Variants in FCHO1 observed in about 807,000 individuals in gnomAD.
FCHO1 encodes the protein FCH and mu domain containing endocytic adaptor 1, also known as F-BAR domain only protein 1.
FCHO1 carries 45 observed loss-of-function variants against 114.4 expected under a neutral mutation model. The observed-to-expected ratio is 0.39, with a 90% CI of 0.31 to 0.50. FCHO1 has a LOEUF of 0.50. FCHO1 is among the 20% of genes least tolerant of loss of function. FCHO1 has a pLI of 0.77. For missense variants in FCHO1, 1,042 were observed against 1,209.6 expected (o/e 0.86, Z 2.06); for synonymous variants, 480 against 488.9 (o/e 0.98, Z 0.24).
chr19:17,776,143 C>T lies in FCHO1; in HGVS notation c.1164C>T (p.Ile388=), dbSNP rs2092602644. 2 of 1,613,650 alleles carry T rather than the reference C, an allele frequency of 1.2e-6. No homozygotes were observed. Among genetic ancestry groups the T allele is most frequent in the Admixed American group, 3.3e-5 (2 of 60,002 alleles). Residue 388 remains isoleucine (I), a synonymous_variant, in exon 16 of 29, where the codon ATC becomes ATT. Coordinates refer to ENST00000596536, the MANE Select transcript of FCHO1 (RefSeq NM_015122.3). The surrounding 1 kb of genome is among the most constrained non-coding windows in gnomAD (Gnocchi z 4.4). ...TCAGGGCCACCGCGGGCAGCCTCAT[C>T]CTTCCTCCTGGCCCAGGGGTGAGGC... ...AQLRATAGSL[I]LPPGPGGTMK... is the part of the protein sequence containing the mutation.
Position 17,778,154 on chromosome 19 carries a change from A to C in FCHO1, c.1277A>C (p.Gln426Pro). 1.2e-6 allele frequency: 2 copies of C among 1,613,834 alleles called. No individual in the cohort carries two copies. Among genetic ancestry groups the C allele is most frequent in the Non-Finnish European group, 1.7e-6 (2 of 1,179,888 alleles). ...PRTSSCAERL[Q>P]SEEQVSKNLF... ...CTCTCTAGCTGTGCAGAGAGATTGC[A>C]GTCAGAGGAGCAGGTGTCCAAGAAC... The change falls in exon 19 of 29, where the codon CAG becomes CCG. Residue 426 changes from glutamine to proline, a missense_variant. Gln to Pro is a moderately conservative substitution (Grantham distance 76). Transcript: ENST00000596536.
At position 17,766,865 on chromosome 19, in the gene FCHO1, C is replaced by T. The variant is rs572940628; in HGVS notation, c.336+55C>T. On this transcript the variant is annotated intron_variant, in intron 7 of 28. Coordinates refer to ENST00000596536, the MANE Select transcript of FCHO1 (RefSeq NM_015122.3). ...GGGTGGGTGTGGAACACCGGCAGCTCACAGGACCCCAGATCTTCTGGGGCT... is the reference window on the plus strand; with the variant it reads ...GGGTGGGTGTGGAACACCGGCAGCTTACAGGACCCCAGATCTTCTGGGGCT... 13 of 1,575,258 alleles carry T rather than the reference C, an allele frequency of 8.3e-6. No individual in the cohort carries two copies. The East Asian group carries it at 2.5e-4, about 30-fold the overall frequency.
intron 4 of FCHO1, among the ~76,000 whole-genome samples, chr19:17,758,101 G>A (rs961927357): frequency 2.0e-5 from 3 of 151,958 alleles, no homozygotes; most frequent in Non-Finnish European, 2.9e-5. Context: ...TGTAGTCCCA[G>A]CTATTGAGGA....
At chr19:17,760,157 T>C (rs890246295) in intron 4 of FCHO1, among the ~76,000 whole-genome samples, 4 of 152,032 alleles carry the variant, frequency 2.6e-5, no homozygotes, top group Non-Finnish European at 5.9e-5. Flanking sequence ...GTTCAAGCGA[T>C]TCTCCTGCCT....
In FCHO1 at chr19:17,784,161, A is replaced by G. The variant is rs372796615; in HGVS notation, c.2152A>G (p.Thr718Ala). ...CTTCTGGCTCAACATGGCAGCTCTG[A>G]CCGAAGCCCTGCAGCGCCAGGCAGA... ...KDFWLNMAAL[T>A]EALQRQAEQN... Residue 718 changes from threonine to alanine, a missense_variant, in exon 25 of 29, where the codon ACC (threonine) becomes GCC (alanine). Thr to Ala is a moderately conservative substitution (Grantham distance 58). Around this residue, in one of 3 missense-constraint regions of FCHO1, gnomAD observed 455 missense variants for 455.4 expected, o/e 1.00. Coordinates refer to ENST00000596536, the MANE Select transcript of FCHO1 (RefSeq NM_015122.3). This position sits in a 1 kb window ranked among gnomAD's most constrained non-coding sequence, Gnocchi z 5.3. 4.7e-5 allele frequency: 76 copies of G among 1,613,920 alleles called. No homozygotes were observed. Among genetic ancestry groups the G allele is most frequent in the Admixed American group, 8.3e-5 (5 of 60,000 alleles).
rs779864048 is a variant in FCHO1, at chr19:17,787,813, C to T, written c.2614C>T (p.Arg872Cys). 59 of 1,613,308 alleles carry T rather than the reference C, an allele frequency of 3.7e-5. 1 individual carries two copies. In the Middle Eastern group the frequency reaches 1.0e-3, roughly 27 times the overall value. The change falls in exon 28 of 29, where the codon CGC becomes TGC. Residue 872 changes from arginine (R) to cysteine (C), a missense_variant. Arg to Cys is a radical substitution (Grantham distance 180). This residue lies in a region of FCHO1 where 137 missense variants were observed against 190.0 expected (regional missense o/e 0.72). Coordinates refer to ENST00000596536, the MANE Select transcript of FCHO1 (RefSeq NM_015122.3). ...VDLELVGSGY[R>C]MSLVKRRFAT... ...CTTGGAACTGGTGGGCAGCGGTTAC[C>T]GCATGTCGCTGGTGAAGAGGAGGTT...
chr19:17,783,517 C>G (rs961110908), intron 24 of FCHO1, among the ~76,000 whole-genome samples: 1 of 151,924 alleles, frequency 6.6e-6, no homozygotes, highest in African/African-American at 2.4e-5. Flanking sequence ...ATCCGCCCGC[C>G]TTGGCCTCCC....
Position 17,755,156 on chromosome 19 carries a change from A to C in FCHO1, c.-9A>C. The C allele has an allele frequency of 6.2e-7, 1 of 1,612,066 alleles. No homozygotes were observed. Among genetic ancestry groups the C allele is most frequent in the Non-Finnish European group, 8.5e-7 (1 of 1,179,348 alleles). The stretch of plus-strand genomic sequence containing the variant: ...GGGGCCTGCAGGGGTCTCCACAGAG[A>C]CCATCAGGATGTCGTATTTTGGGGA... On this transcript the variant is annotated 5_prime_UTR_variant, in exon 4 of 29. Coordinates refer to ENST00000596536, the MANE Select transcript of FCHO1 (RefSeq NM_015122.3).
At chr19:17,750,361 C>T (rs1599498568), upstream of FCHO1, among the ~76,000 whole-genome samples, 1 of 152,010 alleles carries the variant, frequency 6.6e-6, no homozygotes, top group East Asian at 1.9e-4. Flanking sequence ...CTTTTAAAAT[C>T]CAAAGGGAAA....
intron 4 of FCHO1, among the ~76,000 whole-genome samples, chr19:17,756,828 G>C (rs924801627): frequency 3.3e-5 from 5 of 152,192 alleles, no homozygotes; most frequent in African/African-American, 1.2e-4. Context: ...GCCGAAGCAT[G>C]AAGTGTACTA....
intron 9 of FCHO1, 71 bp downstream of exon 9, chr19:17,770,967 T>C: frequency 7.3e-7 from 1 of 1,376,774 alleles, no homozygotes; most frequent in Non-Finnish European, 1.0e-6. Flanking sequence ...ACTGCAGAAA[T>C]CCCAGGCAGG....
At chr19:17,748,478 C>T (rs1199241372), upstream of FCHO1, among the ~76,000 whole-genome samples, 4 of 147,798 alleles carry the variant, frequency 2.7e-5, no homozygotes, top group African/African-American at 1.0e-4. Context: ...TTATCCAGGC[C>T]AGGCCTTGAA....
At chr19:17,772,132 T>G (rs2091758446) in intron 9 of FCHO1, among the ~76,000 whole-genome samples, 2 of 151,948 alleles carry the variant, frequency 1.3e-5, no homozygotes, top group Non-Finnish European at 2.9e-5. Flanking sequence ...TTCTTAAGTC[T>G]GTTTTTCTCT....
At position 17,768,018 on chromosome 19, in the gene FCHO1, T is replaced by G. The variant is rs1041476787; in HGVS notation, c.336+1208T>G. ...TTTACAGAGTTCCAAAATCTGCATG[T>G]TTTTATGTCTTGTTTAAAAAGGGGG... On this transcript the variant is annotated intron_variant, in intron 7 of 28. Transcript: ENST00000596536. Among the ~76,000 whole-genome samples the G allele has an allele frequency of 2.6e-5, 4 of 152,236 alleles. No individual in the cohort carries two copies. The South Asian group carries it at 8.3e-4, about 31-fold the overall frequency.
chr19:17,753,566 C>T (rs922902694), intron 1 of FCHO1: 6 of 152,236 alleles, frequency 3.9e-5, no homozygotes, highest in African/African-American at 1.4e-4. Context: ...ACTCAGGGAC[C>T]CTGACATTGT....
Position 17,784,292 on chromosome 19 carries a change from G to A in FCHO1, c.2226+57G>A, listed in dbSNP as rs944670278. The A allele has an allele frequency of 3.6e-5, 55 of 1,542,510 alleles. No individual in the cohort carries two copies. Among genetic ancestry groups the A allele is most frequent in the East Asian group, 4.9e-5 (2 of 41,012 alleles). On this transcript the variant is annotated intron_variant, in intron 25 of 28. Transcript: ENST00000596536. This position sits in a 1 kb window ranked among gnomAD's most constrained non-coding sequence, Gnocchi z 5.3. ...GGTGGAGTGGGGGACACGGTGAGCC[G>A]GCAGCAGACATGGAGGCGCCTGCGT...
At chr19:17,769,813 G>GA (rs2090932278) in intron 7 of FCHO1, among the ~76,000 whole-genome samples, 1 of 151,770 alleles carries the variant, frequency 6.6e-6, no homozygotes, top group African/African-American at 2.4e-5. Flanking sequence ...ACAACTTTCT[G>GA]AAATATGAAC....
At position 17,775,116 on chromosome 19, in the gene FCHO1, G is replaced by T. The variant is rs1440223163; in HGVS notation, c.945+36G>T. On this transcript the variant is annotated intron_variant, in intron 14 of 28. Coordinates refer to ENST00000596536, the MANE Select transcript of FCHO1 (RefSeq NM_015122.3). The surrounding 1 kb of genome is among the most constrained non-coding windows in gnomAD (Gnocchi z 5.1). Reference sequence around the variant, plus strand: ...TGGGAGGGGTCAGGCTGGGCTACAAGTGGAAGGAGTTTGATCCCACTCTTG... The same window carrying T: ...TGGGAGGGGTCAGGCTGGGCTACAATTGGAAGGAGTTTGATCCCACTCTTG... 5 of 1,602,920 alleles carry T rather than the reference G, an allele frequency of 3.1e-6. No individual in the cohort carries two copies. In the African/African-American group the frequency reaches 4.0e-5, roughly 13 times the overall value.
intron 11 of FCHO1, 21 bp downstream of exon 11, chr19:17,772,762 G>T (rs751201384): frequency 1.3e-6 from 2 of 1,599,258 alleles, no homozygotes; most frequent in South Asian, 2.2e-5. Flanking sequence ...GCAGCCATTG[G>T]GGGTCGGGCT....
Sources: allele counts gnomAD v4.1 joint callset (sites outside exome capture counted in the v4.1 genomes callset), GRCh38; gene constraint gnomAD v4.1.1; regional missense constraint gnomAD v4.1.1; non-coding constraint Gnocchi (gnomAD v3.1); transcripts MANE v1.5; gene names NCBI Gene and HGNC (gene_info 2026-07-23, HGNC 2026-07-21).